SORCS2: variants seen among roughly 807,000 people sequenced by gnomAD.
SORCS2 encodes the protein VPS10 domain-containing receptor SorCS2.
A neutral mutation model predicts 141.6 loss-of-function variants in SORCS2; 100 were observed. The observed-to-expected ratio is 0.71, with a 90% CI of 0.60 to 0.83. The LOEUF (loss-of-function observed/expected upper bound fraction) is 0.83. Ranked by LOEUF, SORCS2 falls within the 40% of genes least tolerant of loss-of-function variation. The pLI is 0.00. For missense variants in SORCS2, 1,646 were observed against 1,560.2 expected (o/e 1.05, Z -0.93); for synonymous variants, 789 against 676.9 (o/e 1.17, Z -2.57).
At chr4:7,360,979 C>T (rs867988134) in intron 1 of SORCS2, among the ~76,000 whole-genome samples, 1 of 151,934 alleles carries the variant, frequency 6.6e-6, no homozygotes, top group African/African-American at 2.4e-5. Context: ...GTGGCTCTTG[C>T]ATCAGGCTTC....
intron 1 of SORCS2, among the ~76,000 whole-genome samples, chr4:7,369,717 A>G (rs6830538): frequency 0.67 from 101,652 of 152,106 alleles, 34,506 homozygotes; most frequent in East Asian, 0.93. Context: ...CCCCTCGCAC[A>G]TGCCTCTGGT....
intron 11 of SORCS2, among the ~76,000 whole-genome samples, chr4:7,694,081 A>G (rs1198134943): frequency 1.3e-5 from 2 of 152,184 alleles, no homozygotes; most frequent in African/African-American, 4.8e-5. Context: ...TCCTTGGTGA[A>G]GTGTGGGTGG....
chr4:7,636,469 A>G (rs940077233), intron 3 of SORCS2, among the ~76,000 whole-genome samples: 2 of 152,204 alleles, frequency 1.3e-5, no homozygotes, highest in Non-Finnish European at 2.9e-5. Context: ...GTCTCTGGGT[A>G]ACCTGGTTCA....
chr4:7,346,015 C>T (rs970934463), intron 1 of SORCS2, among the ~76,000 whole-genome samples: 1 of 152,182 alleles, frequency 6.6e-6, no homozygotes, highest in African/African-American at 2.4e-5. Flanking sequence ...ACTCTTGGTT[C>T]CATTTATTTT....
chr4:7,281,054 A>G (rs1715840351), intron 1 of SORCS2, among the ~76,000 whole-genome samples: 1 of 152,158 alleles, frequency 6.6e-6, no homozygotes, highest in African/African-American at 2.4e-5. Flanking sequence ...GCGTGTCTGA[A>G]CGTGCCCTGC....
At chr4:7,729,839 T>C (rs1711534919) in intron 23 of SORCS2, 127 bp downstream of exon 23, 1 of 1,343,300 alleles carries the variant, frequency 7.4e-7, no homozygotes, top group East Asian at 2.6e-5. Context: ...CATCTCAGTC[T>C]GACTCAGGGT....
intron 1 of SORCS2, among the ~76,000 whole-genome samples, chr4:7,268,474 G>A (rs1714895940): frequency 6.6e-6 from 1 of 152,202 alleles, no homozygotes; most frequent in Admixed American, 6.5e-5. Context: ...ACTGAAGGAA[G>A]CTGTGCCGAT....
chr4:7,679,386 A>C (rs572257302), intron 9 of SORCS2, among the ~76,000 whole-genome samples: 1 of 152,218 alleles, frequency 6.6e-6, no homozygotes, highest in Non-Finnish European at 1.5e-5. Context: ...GGTGGCTCAC[A>C]TGCTAATACC....
chr4:7,310,334 T>G (rs922937714), intron 1 of SORCS2: 1 of 154,202 alleles, frequency 6.5e-6, no homozygotes, highest in Non-Finnish European at 1.5e-5. Flanking sequence ...TACACAGCCT[T>G]GAATGCGGGG....
intron 8 of SORCS2, among the ~76,000 whole-genome samples, chr4:7,671,391 CAGATCTACT>C (rs1377268444): frequency 1.3e-5 from 2 of 151,936 alleles, no homozygotes; most frequent in African/African-American, 4.8e-5. Flanking sequence ...GACCAGATGG[CAGATCTACT>C]AGACAAAGAC....
chr4:7,437,736 G>A (rs79672260), intron 2 of SORCS2, among the ~76,000 whole-genome samples: 21,838 of 152,046 alleles, frequency 0.14, 1,842 homozygotes, highest in Middle Eastern at 0.28. Context: ...ATCCCATGGC[G>A]GGGATGATGT....
At chr4:7,543,708 CCACCCATCCACCCAT>C (rs1712933684) in intron 3 of SORCS2, among the ~76,000 whole-genome samples, 1 of 4,450 alleles carries the variant, frequency 2.2e-4, no homozygotes, top group African/African-American at 3.2e-4. Flanking sequence ...ATCCATCCAT[CCACCCATCCACCCAT>C]CCACCCATCC....
intron 25 of SORCS2, among the ~76,000 whole-genome samples, chr4:7,734,603 C>T (rs913497955): frequency 4.6e-5 from 7 of 152,134 alleles, no homozygotes; most frequent in African/African-American, 1.7e-4. Flanking sequence ...GAGCATCACC[C>T]TCCCACTCCT....
intron 1 of SORCS2, among the ~76,000 whole-genome samples, chr4:7,244,618 G>A (rs980715825): frequency 1.1e-4 from 17 of 152,264 alleles, no homozygotes; most frequent in African/African-American, 3.9e-4. Flanking sequence ...TCCAAGCACT[G>A]AGGGCCCCCT....
At chr4:7,424,344 A>G (rs540886229) in intron 2 of SORCS2, among the ~76,000 whole-genome samples, 4 of 152,314 alleles carry the variant, frequency 2.6e-5, no homozygotes, top group Admixed American at 6.5e-5. Flanking sequence ...AAGGACTGGC[A>G]AGCTCTGTCT....
chr4:7,524,750 C>A (rs1365210899), intron 2 of SORCS2, among the ~76,000 whole-genome samples: 1 of 152,124 alleles, frequency 6.6e-6, no homozygotes, highest in Non-Finnish European at 1.5e-5. Context: ...CCGCAGCACC[C>A]TGAGCTGTCT....
chr4:7,434,841 C>T (rs765660119), intron 2 of SORCS2: 3 of 1,590,084 alleles, frequency 1.9e-6, no homozygotes, highest in Non-Finnish European at 2.6e-6. Context: ...CCCTGGTGGC[C>T]CCCAGGAGGC....
intron 1 of SORCS2, among the ~76,000 whole-genome samples, chr4:7,387,969 T>C (rs111203695): frequency 7.4e-4 from 62 of 84,346 alleles, no homozygotes; most frequent in African/African-American, 3.7e-3. Context: ...CACACACAGA[T>C]ACACAGAGAT....
At chr4:7,400,324 A>G (rs73210472) in intron 2 of SORCS2, among the ~76,000 whole-genome samples, 37,628 of 152,070 alleles carry the variant, frequency 0.25, 5,955 homozygotes, top group Middle Eastern at 0.39. Context: ...CAGGTACTGG[A>G]TCCTGCCCCC....
Sources: gnomAD v4.1 joint callset for allele counts (sites outside exome capture counted in the v4.1 genomes callset) on GRCh38, gnomAD v4.1.1 for gene constraint, MANE v1.5 for transcripts, NCBI Gene and HGNC (gene_info 2026-07-23, HGNC 2026-07-21) for gene names.